NRXN3: variants seen among roughly 807,000 people sequenced by gnomAD.
NRXN3 encodes neurexin 3.
In NRXN3, 32 loss-of-function variants were observed where a neutral mutation model predicts 137.6. That is an observed-to-expected ratio of 0.23 (90% CI 0.18 to 0.31). The LOEUF is 0.31. Among genes scored for constraint, NRXN3 ranks in the 10% least tolerant of loss-of-function variants. The pLI, the probability that NRXN3 is intolerant of heterozygous loss-of-function variation, is 1.00. For missense variants in NRXN3, 1,574 were observed against 2,062.5 expected (o/e 0.76, Z 4.59); for synonymous variants, 798 against 784.5 (o/e 1.02, Z -0.29).
chr14:79,530,297 C>T (rs181660402), intron 16 of NRXN3, among the ~76,000 whole-genome samples: 15 of 152,106 alleles, frequency 9.9e-5, no homozygotes, highest in African/African-American at 3.6e-4. Context: ...TAAATGACAA[C>T]AAAAAGCAAA....
intron 6 of NRXN3, among the ~76,000 whole-genome samples, chr14:78,671,779 C>T (rs1224593530): frequency 2.0e-5 from 3 of 152,116 alleles, no homozygotes; most frequent in Admixed American, 1.3e-4. Context: ...TATCATAATA[C>T]ATTGAAAAGT....
intron 7 of NRXN3, among the ~76,000 whole-genome samples, chr14:78,714,349 T>C (rs941698999): frequency 1.3e-5 from 2 of 152,196 alleles, no homozygotes; most frequent in Non-Finnish European, 2.9e-5. Flanking sequence ...GGGACAGTTA[T>C]TTTCCCATTT....
At chr14:79,427,178 C>T (rs1219983832) in intron 15 of NRXN3, among the ~76,000 whole-genome samples, 3 of 152,076 alleles carry the variant, frequency 2.0e-5, no homozygotes, top group Non-Finnish European at 4.4e-5. Flanking sequence ...ATGCAAAGAG[C>T]TTTCACCAAA....
In NRXN3 at chr14:79,438,446, G is replaced by A. The variant is rs147426729; in HGVS notation, c.3263-28775G>A. ...CTTAATAAGGGCGGCTTCCAAAGTGGTTCCAGGTAAAGAAGTACTAAAAAG... is the reference window on the plus strand; with the variant it reads ...CTTAATAAGGGCGGCTTCCAAAGTGATTCCAGGTAAAGAAGTACTAAAAAG... On this transcript the variant is annotated intron_variant, in intron 15 of 20. Coordinates refer to ENST00000335750, the MANE Select transcript of NRXN3 (RefSeq NM_001330195.2). Among the ~76,000 whole-genome samples, 300 of 152,252 alleles carry A rather than the reference G, an allele frequency of 2.0e-3. 3 individuals carry two copies. Among genetic ancestry groups the A allele is most frequent in the African/African-American group, 7.0e-3 (290 of 41,558 alleles).
intron 15 of NRXN3, among the ~76,000 whole-genome samples, chr14:79,307,766 T>TTCTC (rs887791936): frequency 6.6e-6 from 1 of 151,560 alleles, no homozygotes; most frequent in African/African-American, 2.4e-5. Context: ...TCACCTCTCT[T>TTCTC]TCTCTCTCTC....
intron 4 of NRXN3, among the ~76,000 whole-genome samples, chr14:78,343,845 C>A (rs947004866): frequency 1.3e-5 from 2 of 152,184 alleles, no homozygotes; most frequent in Non-Finnish European, 1.5e-5. Flanking sequence ...GGGACCCCAG[C>A]ATCAATGTAT....
intron 4 of NRXN3, among the ~76,000 whole-genome samples, chr14:78,395,790 A>G (rs1176924123): frequency 6.6e-6 from 1 of 151,988 alleles, no homozygotes; most frequent in Non-Finnish European, 1.5e-5. Flanking sequence ...TGTATTTGAT[A>G]TTAATAGAGC....
intron 4 of NRXN3, among the ~76,000 whole-genome samples, chr14:78,605,228 T>C (rs1484335246): frequency 6.6e-6 from 1 of 152,156 alleles, no homozygotes; most frequent in African/African-American, 2.4e-5. Context: ...ATGAGACAAC[T>C]CACCTTTGAT....
intron 15 of NRXN3, among the ~76,000 whole-genome samples, chr14:79,424,966 A>G (rs2095633096): frequency 6.6e-6 from 1 of 152,200 alleles, no homozygotes; most frequent in African/African-American, 2.4e-5. Context: ...CAAGCTGACT[A>G]ACTGTTCTTT....
intron 15 of NRXN3, among the ~76,000 whole-genome samples, chr14:79,305,320 A>G (rs1395375410): frequency 6.6e-6 from 1 of 152,054 alleles, no homozygotes; most frequent in Non-Finnish European, 1.5e-5. Flanking sequence ...AGTCCTGTGC[A>G]AACCTTAATT....
chr14:79,612,690 A>C (rs1279798892), intron 16 of NRXN3, among the ~76,000 whole-genome samples: 1 of 152,096 alleles, frequency 6.6e-6, no homozygotes, highest in African/African-American at 2.4e-5. Flanking sequence ...TCTCTACATA[A>C]AAATTTTACA....
chr14:79,587,641 G>C (rs1173637719), intron 16 of NRXN3, among the ~76,000 whole-genome samples: 2 of 152,210 alleles, frequency 1.3e-5, no homozygotes, highest in Non-Finnish European at 2.9e-5. Context: ...TGTATAAATA[G>C]AAAAGCCAAG....
chr14:79,318,363 A>G (rs759982800), intron 15 of NRXN3, among the ~76,000 whole-genome samples: 22 of 152,222 alleles, frequency 1.4e-4, no homozygotes, highest in Admixed American at 4.6e-4. Context: ...GAAGGAAGGG[A>G]CAGTTTGGAT....
At chr14:79,458,484 T>C (rs2096284868) in intron 15 of NRXN3, among the ~76,000 whole-genome samples, 1 of 152,176 alleles carries the variant, frequency 6.6e-6, no homozygotes, top group African/African-American at 2.4e-5. Flanking sequence ...AATGGCAACG[T>C]GAAGATATGT....
At chr14:79,467,075 G>A (rs1468115301) in intron 15 of NRXN3, 146 bp from the exon 16 acceptor site, 2 of 627,628 alleles carry the variant, frequency 3.2e-6, no homozygotes, top group East Asian at 6.2e-5. Context: ...AGAAGCTTTG[G>A]GAGCCGTTCC....
chr14:79,062,574 AG>A (rs1403088174), intron 15 of NRXN3, among the ~76,000 whole-genome samples: 1 of 152,202 alleles, frequency 6.6e-6, no homozygotes, highest in Non-Finnish European at 1.5e-5. Context: ...GTTAGGGATG[AG>A]GGAGCAAGAG....
chr14:79,184,446 A>T (rs2063282122), intron 15 of NRXN3, among the ~76,000 whole-genome samples: 1 of 152,218 alleles, frequency 6.6e-6, no homozygotes, highest in South Asian at 2.1e-4. Flanking sequence ...AAACTGTATC[A>T]TCTCTACCTT....
At chr14:78,679,163 A>C (rs1356276995) in intron 6 of NRXN3, among the ~76,000 whole-genome samples, 2 of 152,134 alleles carry the variant, frequency 1.3e-5, no homozygotes, top group African/African-American at 4.8e-5. Context: ...AAATACATTC[A>C]TTTTTTACCC....
chr14:79,653,917 C>T (rs1783336842), intron 16 of NRXN3, among the ~76,000 whole-genome samples: 1 of 152,134 alleles, frequency 6.6e-6, no homozygotes, highest in Non-Finnish European at 1.5e-5. Context: ...ATGGAATCCA[C>T]CTGTGCACGT....
Sources: gnomAD v4.1 joint callset for allele counts (sites outside exome capture counted in the v4.1 genomes callset) on GRCh38, gnomAD v4.1.1 for gene constraint, MANE v1.5 for transcripts, NCBI Gene and HGNC (gene_info 2026-07-23, HGNC 2026-07-21) for gene names.